FSD1L: variants seen among roughly 807,000 people sequenced by gnomAD.
The protein encoded by FSD1L is FSD1-like protein.
Under a neutral mutation model 71.6 loss-of-function variants are expected in FSD1L, and 45 were observed. The observed-to-expected ratio is 0.63, with a 90% CI of 0.49 to 0.81. The LOEUF is 0.81. FSD1L is among the 30% of genes least tolerant of loss of function. FSD1L has a pLI of 0.00. For synonymous variants in FSD1L, 197 were observed against 207.2 expected (o/e 0.95, Z 0.42); for missense variants, 561 against 618.1 (o/e 0.91, Z 0.98).
Position 105,483,734 on chromosome 9 carries a change from A to G in FSD1L, c.465-647A>G, listed in dbSNP as rs149593372. ...TGAATTCCTGTTACTTCCATGGCAT[A>G]TACTTTTTCACAGGGCTGTTTCTTA... is the stretch of plus-strand genomic sequence containing the variant. On this transcript the variant is annotated intron_variant, in intron 6 of 13. Coordinates refer to ENST00000481272, the MANE Select transcript of FSD1L (RefSeq NM_001145313.3). 4.2e-4 allele frequency among the ~76,000 whole-genome samples: 64 copies of G among 152,242 alleles called. No individual in the cohort carries two copies. The East Asian group carries it at 0.012, about 28-fold the overall frequency.
intron 4 of FSD1L, 40 bp from the exon 5 acceptor site, chr9:105,471,864 C>A: frequency 1.2e-6 from 1 of 843,480 alleles, no homozygotes; most frequent in Non-Finnish European, 1.7e-6. Flanking sequence ...CAATAGGAAA[C>A]TTCATTTTAA....
chr9:105,448,712 G>A (rs1251558383), intron 1 of FSD1L, among the ~76,000 whole-genome samples: 1 of 152,034 alleles, frequency 6.6e-6, no homozygotes. Context: ...GTCAGGGACC[G>A]AATCTCCTTT....
rs1466305762 is a variant in FSD1L, at chr9:105,468,215, C to T, written c.230C>T (p.Ser77Leu). 4.2e-6 allele frequency: 6 copies of T among 1,423,364 alleles called. No individual in the cohort carries two copies. The highest frequency in any genetic ancestry group is 1.8e-4 in the Middle Eastern group (1 of 5,554). 88.2% of individuals were successfully genotyped at this position (1,423,364 alleles called of 1,614,324 possible). ...CAGGAAAATTCGTCCAACATACTCT[C>T]AGAGTTAGATGAAGAATTTGATAGT... is the stretch of plus-strand genomic sequence containing the variant. The part of the protein sequence containing the change: ...GVQENSSNIL[S>L]ELDEEFDSLY... The change falls in exon 4 of 14, where the codon TCA (serine) becomes TTA (leucine). Residue 77 changes from serine (S) to leucine (L), a missense_variant. Transcript: ENST00000481272.
upstream of FSD1L, among the ~76,000 whole-genome samples, chr9:105,442,846 T>C (rs114707820): frequency 6.7e-3 from 1,020 of 152,380 alleles, 13 homozygotes; most frequent in African/African-American, 0.023. Flanking sequence ...ATGGCTCTGT[T>C]AGAAAGTTGG....
At chr9:105,513,640 CTA>C (rs1363089619) in intron 10 of FSD1L, 1 of 1,527,426 alleles carries the variant, frequency 6.5e-7, no homozygotes, top group South Asian at 1.2e-5. Flanking sequence ...AGGTGATGAT[CTA>C]TGTCTGTCTA....
intron 10 of FSD1L, among the ~76,000 whole-genome samples, chr9:105,526,694 A>G (rs1835534606): frequency 6.6e-6 from 1 of 152,242 alleles, no homozygotes; most frequent in African/African-American, 2.4e-5. Flanking sequence ...GTAGCTTAAT[A>G]TTAAAGATTT....
intron 1 of FSD1L, among the ~76,000 whole-genome samples, chr9:105,449,585 A>G (rs1829860342): frequency 6.6e-6 from 1 of 152,228 alleles, no homozygotes; most frequent in African/African-American, 2.4e-5. Context: ...CTGTTTCCTC[A>G]TCTATGCAGT....
rs181315718 is a variant in FSD1L, at chr9:105,497,304, G to A, written c.587-9095G>A. On this transcript the variant is annotated intron_variant, in intron 7 of 13. Transcript: ENST00000481272. ...AGGATTTTTCACATCTAATTTATGA[G>A]ACATACTGGTTTGTAGTTTTCTTTT... Among the ~76,000 whole-genome samples the A allele has an allele frequency of 4.6e-5, 7 of 152,248 alleles. No individual in the cohort carries two copies. The East Asian group carries it at 1.3e-3, about 29-fold the overall frequency.
chr9:105,523,160 C>T, intron 10 of FSD1L: 1 of 1,613,912 alleles, frequency 6.2e-7, no homozygotes, highest in East Asian at 2.2e-5. Flanking sequence ...CTGAAACAAG[C>T]AGTCTTAATC....
In FSD1L at chr9:105,525,132, C is replaced by T. The variant is rs1012666578; in HGVS notation, c.1026-9361C>T. The stretch of plus-strand genomic sequence containing the variant: ...GTAAGTGGCTTGTCAGAACCTACAT[C>T]TTTCATGCTTTCATTGTCTCACCAA... On this transcript the variant is annotated intron_variant, in intron 10 of 13. Coordinates refer to ENST00000481272, the MANE Select transcript of FSD1L (RefSeq NM_001145313.3). 9.3e-4 allele frequency: 1,441 copies of T among 1,553,624 alleles called. 1 individual carries two copies. Among genetic ancestry groups the T allele is most frequent in the Non-Finnish European group, 1.1e-3 (1,303 of 1,153,386 alleles).
chr9:105,522,574 A>T, intron 10 of FSD1L: 2 of 1,613,362 alleles, frequency 1.2e-6, no homozygotes, highest in East Asian at 4.5e-5. Flanking sequence ...CATTTTTCAC[A>T]AAGTGAAGAA....
intron 1 of FSD1L, among the ~76,000 whole-genome samples, chr9:105,451,055 GTTCACGCCA>G: frequency 6.6e-6 from 1 of 152,004 alleles, no homozygotes; most frequent in South Asian, 2.1e-4. Flanking sequence ...CACCTCCCAG[GTTCACGCCA>G]TTCTCCTGCC....
intron 1 of FSD1L, among the ~76,000 whole-genome samples, chr9:105,450,692 C>T (rs1000309519): frequency 1.3e-5 from 2 of 151,938 alleles, no homozygotes; most frequent in Non-Finnish European, 2.9e-5. Flanking sequence ...TGCCACCACC[C>T]CTGGCTAATT....
At chr9:105,525,432 A>T (rs1835448270) in intron 10 of FSD1L, 1 of 1,609,148 alleles carries the variant, frequency 6.2e-7, no homozygotes, top group South Asian at 1.1e-5. Context: ...TCCTTAAGCA[A>T]CATACAGAAG....
At chr9:105,446,492 T>C (rs557349263), upstream of FSD1L, among the ~76,000 whole-genome samples, 19 of 152,128 alleles carry the variant, frequency 1.2e-4, no homozygotes, top group African/African-American at 4.6e-4. Context: ...AGCCTCCTGA[T>C]TGGCTCTGGC....
rs955452782 is a variant in FSD1L at position 105,522,381 on chromosome 9, G to A, written c.1025+9445G>A. The A allele has an allele frequency of 3.1e-6, 5 of 1,613,986 alleles. No individual in the cohort carries two copies. The East Asian group carries it at 8.9e-5, about 29-fold the overall frequency. On this transcript the variant is annotated intron_variant, in intron 10 of 13. Transcript: ENST00000481272. ...AGGAGTTGGACATGAATTTCAGAAAGTTTCAGTTGACAAGTCATTTTCTAG... is the reference window on the plus strand; with the variant it reads ...AGGAGTTGGACATGAATTTCAGAAAATTTCAGTTGACAAGTCATTTTCTAG...
intron 10 of FSD1L, among the ~76,000 whole-genome samples, chr9:105,529,787 GA>G (rs767549783): frequency 5.9e-5 from 9 of 151,594 alleles, no homozygotes; most frequent in African/African-American, 9.7e-5. Context: ...AAAAAAAAGA[GA>G]AAAAAAATCA....
At chr9:105,469,367 C>T (rs1357038582) in intron 4 of FSD1L, among the ~76,000 whole-genome samples, 1 of 82,576 alleles carries the variant, frequency 1.2e-5, no homozygotes, top group African/African-American at 5.6e-5. Context: ...ATAGTGGCTG[C>T]ACTATTTTAC....
chr9:105,549,595 T>A lies in FSD1L; in HGVS notation c.*3112T>A, dbSNP rs527929608. 6.6e-6 allele frequency: 1 copy of A among 152,182 alleles called. No individual in the cohort carries two copies. Among genetic ancestry groups the A allele is most frequent in the Non-Finnish European group, 1.5e-5 (1 of 67,914 alleles). 9.4% of individuals were successfully genotyped at this position (152,182 alleles called of 1,614,324 possible). A position where few individuals can be genotyped will look rare whatever the true frequency, so the allele number is the denominator to read the frequency against. ...ATGGCTAGACTTTGCCTATTTACTC[T>A]GTTATGCAAACAGTAATTTTTCCCT... is the stretch of plus-strand genomic sequence containing the variant. On this transcript the variant is annotated 3_prime_UTR_variant, in exon 14 of 14. Transcript: ENST00000481272.
Sources: allele counts gnomAD v4.1 joint callset (sites outside exome capture counted in the v4.1 genomes callset), GRCh38; gene constraint gnomAD v4.1.1; transcripts MANE v1.5; gene names NCBI Gene and HGNC (gene_info 2026-07-23, HGNC 2026-07-21).